Variants in TUSC3 observed in about 807,000 individuals in gnomAD.
TUSC3 encodes tumor suppressor candidate 3.
In TUSC3, 45 loss-of-function variants were observed where a neutral mutation model predicts 44.8. The observed-to-expected ratio is 1.00, with a 90% CI of 0.79 to 1.29. TUSC3 has a LOEUF of 1.29. TUSC3 is among the 50% of genes most tolerant of loss of function. The pLI is 0.00. For synonymous variants in TUSC3, 212 were observed against 152.9 expected, an observed-to-expected ratio of 1.39 and a Z score of -2.85; for missense variants, 519 against 437.9, an observed-to-expected ratio of 1.19 and a Z score of -1.65.
At chr8:15,441,972 G>C (rs1432920036) in intron 1 of TUSC3, among the ~76,000 whole-genome samples, 1 of 152,100 alleles carries the variant, frequency 6.6e-6, no homozygotes, top group African/African-American at 2.4e-5. Flanking sequence ...CCCCAAAATA[G>C]CTATTTGTTT....
At chr8:15,541,779 T>G (rs536850653) in intron 1 of TUSC3, among the ~76,000 whole-genome samples, 1 of 151,628 alleles carries the variant, frequency 6.6e-6, no homozygotes, top group African/African-American at 2.4e-5. Flanking sequence ...TTGTATACCA[T>G]ATTCCAAGAG....
At chr8:15,492,244 G>GAGTT (rs1800819242) in intron 2 of TUSC3, among the ~76,000 whole-genome samples, 1 of 152,112 alleles carries the variant, frequency 6.6e-6, no homozygotes, top group African/African-American at 2.4e-5. Context: ...AGAGCGATGG[G>GAGTT]AGTTAGCACG....
intron 1 of TUSC3, among the ~76,000 whole-genome samples, chr8:15,569,904 A>G (rs1563295010): frequency 6.6e-6 from 1 of 151,956 alleles, no homozygotes. Flanking sequence ...TATTTCTCTA[A>G]TTTTTAAATT....
chr8:15,482,003 G>T (rs1444349440), intron 1 of TUSC3, among the ~76,000 whole-genome samples: 1 of 152,174 alleles, frequency 6.6e-6, no homozygotes, highest in East Asian at 1.9e-4. Flanking sequence ...CTCCAATCCA[G>T]CTGCTTCTTT....
chr8:15,471,618 G>T (rs1402410613), intron 1 of TUSC3, among the ~76,000 whole-genome samples: 2 of 145,326 alleles, frequency 1.4e-5, no homozygotes, highest in Non-Finnish European at 3.0e-5. Flanking sequence ...TTCCAGTTCT[G>T]ATTTTTTTTT....
At chr8:15,789,991 C>G in the TUSC3 span, among the ~76,000 whole-genome samples, 1 of 152,094 alleles carries the variant, frequency 6.6e-6, no homozygotes, top group South Asian at 2.1e-4. Flanking sequence ...CCTTGCAGAC[C>G]AGGGCTAACT....
chr8:15,817,644 G>A, the TUSC3 span, among the ~76,000 whole-genome samples: 560 of 152,254 alleles, frequency 3.7e-3, 4 homozygotes, highest in African/African-American at 0.013. Flanking sequence ...ATGTGAAGAA[G>A]GACATGTTTG....
the TUSC3 span, among the ~76,000 whole-genome samples, chr8:15,845,747 A>G: frequency 5.3e-5 from 8 of 152,166 alleles, no homozygotes; most frequent in African/African-American, 1.9e-4. Context: ...CCCTCTACTC[A>G]TTTCCACTGT....
rs1563175882 is a variant in TUSC3 at position 15,692,382 on chromosome 8, T to TG, written c.798+18546_798+18547insG. Among the ~76,000 whole-genome samples the TG allele has an allele frequency of 1.2e-4, 16 of 138,506 alleles. 1 individual carries two copies. In the South Asian group the frequency reaches 3.1e-3, roughly 27 times the overall value. 90.9% of individuals were successfully genotyped at this position (138,506 alleles called of 152,430 possible). ...ACCCCCCCCCCCCCCTTTGTTTTTTTTTTTTTTTTTTTTTTTTGCAATAGT... is the reference window on the plus strand; with the variant it reads ...ACCCCCCCCCCCCCCTTTGTTTTTTTGTTTTTTTTTTTTTTTTTGCAATAGT... On this transcript the variant is annotated intron_variant, in intron 6 of 10. Coordinates refer to ENST00000503731, the MANE Select transcript of TUSC3 (RefSeq NM_006765.4).
At chr8:15,526,735 C>T (rs1467271794) in intron 2 of TUSC3, among the ~76,000 whole-genome samples, 1 of 152,094 alleles carries the variant, frequency 6.6e-6, no homozygotes, top group African/African-American at 2.4e-5. Context: ...GGTATGTGTT[C>T]ATCAGCAGCA....
At chr8:15,565,155 T>C (rs7009698) in intron 1 of TUSC3, among the ~76,000 whole-genome samples, 120,619 of 150,588 alleles carry the variant, frequency 0.8, 49,009 homozygotes, top group Non-Finnish European at 0.87. Context: ...GCTGGAAGCG[T>C]TGAGGGGAGC....
At chr8:15,463,623 A>G (rs1478099810) in intron 1 of TUSC3, among the ~76,000 whole-genome samples, 2 of 152,158 alleles carry the variant, frequency 1.3e-5, no homozygotes, top group Admixed American at 1.3e-4. Flanking sequence ...CAACTTTTTC[A>G]GATCATGAAG....
At chr8:15,816,318 A>G in the TUSC3 span, among the ~76,000 whole-genome samples, 1 of 152,196 alleles carries the variant, frequency 6.6e-6, no homozygotes, top group African/African-American at 2.4e-5. Flanking sequence ...GCATGAGTAT[A>G]ATCTGTGAGT....
chr8:15,781,459 G>C, the TUSC3 span, among the ~76,000 whole-genome samples: 2 of 152,144 alleles, frequency 1.3e-5, no homozygotes, highest in Admixed American at 6.5e-5. Flanking sequence ...AAAAGGTAAA[G>C]AGGGAACTTT....
intron 1 of TUSC3, among the ~76,000 whole-genome samples, chr8:15,464,559 T>A (rs1800390649): frequency 6.6e-6 from 1 of 152,224 alleles, no homozygotes; most frequent in Non-Finnish European, 1.5e-5. Flanking sequence ...AGTTATTCAA[T>A]ATTTAGATAT....
chr8:15,440,601 G>A (rs1352691216), intron 1 of TUSC3, among the ~76,000 whole-genome samples: 1 of 152,096 alleles, frequency 6.6e-6, no homozygotes, highest in Non-Finnish European at 1.5e-5. Flanking sequence ...CTTACAGGAT[G>A]GAATATTAGA....
At chr8:15,847,461 C>T in the TUSC3 span, among the ~76,000 whole-genome samples, 2 of 152,122 alleles carry the variant, frequency 1.3e-5, no homozygotes, top group Non-Finnish European at 2.9e-5. Flanking sequence ...CTCCTGTTGC[C>T]TCTTCCACTG....
chr8:15,789,038 T>C, the TUSC3 span, among the ~76,000 whole-genome samples: 2 of 152,210 alleles, frequency 1.3e-5, no homozygotes, highest in Admixed American at 1.3e-4. Flanking sequence ...CATATGCTTG[T>C]TTAAAAGCTC....
chr8:15,617,301 G>T (rs1160506279), intron 1 of TUSC3, among the ~76,000 whole-genome samples: 1 of 151,712 alleles, frequency 6.6e-6, no homozygotes, highest in East Asian at 1.9e-4. Context: ...CACCACGCCT[G>T]GCTTATTTTT....
Sources: gnomAD v4.1 joint callset for allele counts (sites outside exome capture counted in the v4.1 genomes callset) on GRCh38, gnomAD v4.1.1 for gene constraint, MANE v1.5 for transcripts, NCBI Gene and HGNC (gene_info 2026-07-23, HGNC 2026-07-21) for gene names.